TNFSF4: variants seen among roughly 807,000 people sequenced by gnomAD.
TNFSF4 encodes TNF superfamily member 4.
Under a neutral mutation model 7.3 loss-of-function variants are expected in TNFSF4, and 4 were observed. The observed-to-expected ratio is 0.55, with a 90% CI of 0.27 to 1.25. TNFSF4 has a LOEUF of 1.25. Among genes scored for constraint, TNFSF4 ranks in the 50% most tolerant of loss-of-function variants. The pLI is 0.12. For missense variants in TNFSF4, 181 were observed against 208.8 expected, an observed-to-expected ratio of 0.87 and a Z score of 0.82; for synonymous variants, 76 against 83.7, an observed-to-expected ratio of 0.91 and a Z score of 0.50.
At chr1:173,251,083 TA>T in the TNFSF4 span, among the ~76,000 whole-genome samples, 3 of 152,298 alleles carry the variant, frequency 2.0e-5, no homozygotes, top group African/African-American at 7.2e-5. Context: ...TCTTAAGCCC[TA>T]CAGGTGATTC....
the TNFSF4 span, among the ~76,000 whole-genome samples, chr1:173,443,861 C>A: frequency 6.6e-6 from 1 of 152,218 alleles, no homozygotes; most frequent in African/African-American, 2.4e-5. Context: ...GTGGAGTTCA[C>A]TTCAGTGCTG....
the TNFSF4 span, among the ~76,000 whole-genome samples, chr1:173,289,104 C>A: frequency 6.6e-6 from 1 of 151,938 alleles, no homozygotes; most frequent in East Asian, 1.9e-4. Flanking sequence ...AACAGGGAGG[C>A]CAAAGTGATT....
chr1:173,178,976 C>CAAAG (rs773007661), downstream of TNFSF4, among the ~76,000 whole-genome samples: 56 of 152,048 alleles, frequency 3.7e-4, no homozygotes, highest in Non-Finnish European at 6.3e-4. Context: ...GACTATTAAC[C>CAAAG]AAAGAGTGAG....
chr1:173,212,526 T>C, the TNFSF4 span, among the ~76,000 whole-genome samples: 1 of 151,958 alleles, frequency 6.6e-6, no homozygotes, highest in African/African-American at 2.4e-5. Context: ...CTTGTAATTC[T>C]TTAAATCTAT....
At chr1:173,429,183 AT>A in the TNFSF4 span, among the ~76,000 whole-genome samples, 3 of 151,984 alleles carry the variant, frequency 2.0e-5, no homozygotes, top group Non-Finnish European at 4.4e-5. Context: ...TATCTTTGAA[AT>A]TTTTTTCATG....
chr1:173,428,286 C>T, the TNFSF4 span, among the ~76,000 whole-genome samples: 3 of 152,116 alleles, frequency 2.0e-5, no homozygotes, highest in African/African-American at 4.8e-5. Context: ...AATGGTTCAT[C>T]GTTGACAGAA....
chr1:173,396,837 T>A, the TNFSF4 span, among the ~76,000 whole-genome samples: 2 of 152,228 alleles, frequency 1.3e-5, no homozygotes, highest in Non-Finnish European at 2.9e-5. Flanking sequence ...GACCTTTCAC[T>A]AATACTGTGA....
the TNFSF4 span, among the ~76,000 whole-genome samples, chr1:173,252,963 C>G: frequency 6.6e-6 from 1 of 152,206 alleles, no homozygotes; most frequent in Non-Finnish European, 1.5e-5. Context: ...CTTCCATGGG[C>G]TCAGCCATGG....
chr1:173,190,145 G>C (rs541562232), intron 1 of TNFSF4, among the ~76,000 whole-genome samples: 5 of 152,266 alleles, frequency 3.3e-5, no homozygotes, highest in African/African-American at 1.2e-4. Context: ...AAACCTGGGA[G>C]GGGGCCAAGA....
chr1:173,429,766 T>C, the TNFSF4 span, among the ~76,000 whole-genome samples: 4 of 152,218 alleles, frequency 2.6e-5, no homozygotes, highest in Non-Finnish European at 5.9e-5. Context: ...GCTTTTGCAA[T>C]ATCCTCTAAT....
the TNFSF4 span, among the ~76,000 whole-genome samples, chr1:173,278,449 A>G: frequency 2.6e-5 from 4 of 152,074 alleles, no homozygotes; most frequent in Non-Finnish European, 4.4e-5. Flanking sequence ...GGCATGGACT[A>G]CTTTAATATT....
chr1:173,202,895 T>C (rs1650006789), intron 1 of TNFSF4, among the ~76,000 whole-genome samples: 1 of 152,138 alleles, frequency 6.6e-6, no homozygotes, highest in African/African-American at 2.4e-5. Context: ...CTCCTTCTAG[T>C]ATTAGCTGAA....
At chr1:173,180,641 T>G (rs1649039460), downstream of TNFSF4, among the ~76,000 whole-genome samples, 2 of 152,306 alleles carry the variant, frequency 1.3e-5, no homozygotes, top group South Asian at 4.1e-4. Flanking sequence ...GAGAATTGTT[T>G]ATTACTTACC....
chr1:173,358,429 G>C, the TNFSF4 span, among the ~76,000 whole-genome samples: 1 of 152,196 alleles, frequency 6.6e-6, no homozygotes, highest in Non-Finnish European at 1.5e-5. Context: ...TGTCTGCAAG[G>C]AAGTGGAGCA....
the TNFSF4 span, among the ~76,000 whole-genome samples, chr1:173,414,272 A>T: frequency 6.6e-6 from 1 of 152,052 alleles, no homozygotes; most frequent in Non-Finnish European, 1.5e-5. Flanking sequence ...CCACCTTCTC[A>T]CTGTGTCTTT....
chr1:173,398,980 C>T, the TNFSF4 span, among the ~76,000 whole-genome samples: 20 of 152,286 alleles, frequency 1.3e-4, no homozygotes, highest in South Asian at 2.9e-3. Flanking sequence ...AGAAAGCTCT[C>T]GGCCTCCTAC....
At chr1:173,327,336 T>A in the TNFSF4 span, among the ~76,000 whole-genome samples, 1 of 152,154 alleles carries the variant, frequency 6.6e-6, no homozygotes, top group Non-Finnish European at 1.5e-5. Flanking sequence ...TCCTTACACC[T>A]TATACAAAAA....
chr1:173,443,372 G>A, the TNFSF4 span, among the ~76,000 whole-genome samples: 2 of 152,110 alleles, frequency 1.3e-5, no homozygotes, highest in East Asian at 3.9e-4. Flanking sequence ...AATAAATTTT[G>A]ATACTCACAT....
At chr1:173,305,068 T>C in the TNFSF4 span, among the ~76,000 whole-genome samples, 7 of 151,936 alleles carry the variant, frequency 4.6e-5, no homozygotes, top group African/African-American at 1.7e-4. Context: ...CAGGAATTTT[T>C]CAGACTTCCA....
Sources: allele counts gnomAD v4.1 joint callset (sites outside exome capture counted in the v4.1 genomes callset), GRCh38; gene constraint gnomAD v4.1.1; transcripts MANE v1.5; gene names NCBI Gene and HGNC (gene_info 2026-07-23, HGNC 2026-07-21).